The following ABI1 variants were observed in gnomAD, a reference collection of about 807,000 sequenced individuals.
The protein encoded by ABI1 is abl interactor 1.
Under a neutral mutation model 54.6 loss-of-function variants are expected in ABI1, and 14 were observed. The ratio of observed to expected loss-of-function variants is 0.26; its 90% CI spans 0.17 to 0.40. ABI1 has a LOEUF of 0.40. Among genes scored for constraint, ABI1 ranks in the 10% least tolerant of loss-of-function variants. ABI1 has a pLI of 1.00. For missense variants in ABI1, 443 were observed against 598.3 expected, an observed-to-expected ratio of 0.74 and a Z score of 2.71; for synonymous variants, 194 against 209.3, an observed-to-expected ratio of 0.93 and a Z score of 0.63.
At chr10:26,858,454 C>CTTTTTTT (rs375525589) in intron 1 of ABI1, among the ~76,000 whole-genome samples, 55 of 118,172 alleles carry the variant, frequency 4.7e-4, no homozygotes, top group African/African-American at 1.5e-3. Context: ...TGCGTGAATT[C>CTTTTTTT]TTTTTTTTTT....
intron 1 of ABI1, among the ~76,000 whole-genome samples, chr10:26,845,771 A>G (rs1221870061): frequency 6.6e-6 from 1 of 151,868 alleles, no homozygotes; most frequent in African/African-American, 2.4e-5. Flanking sequence ...ACAAATCCCA[A>G]TAGCCTCAAA....
intron 6 of ABI1, 52 bp downstream of exon 6, chr10:26,768,800 A>C: frequency 6.5e-7 from 1 of 1,534,852 alleles, no homozygotes; most frequent in Non-Finnish European, 8.8e-7. Flanking sequence ...GTTTGTCGCC[A>C]GTCAGTTACA....
At position 26,860,249 on chromosome 10, in the gene ABI1, A is replaced by C. The variant is rs2051191047; in HGVS notation, c.117+498T>G. 6.6e-6 allele frequency among the ~76,000 whole-genome samples: 1 copy of C among 151,820 alleles called. No homozygotes were observed. The highest frequency in any genetic ancestry group is 1.5e-5 in the Non-Finnish European group (1 of 67,958). ...CCCACCCCACCCTCCGCCGACACACAACACACACCCCGCTGGTCCTCTCCC... is the reference window on the plus strand; with the variant it reads ...CCCACCCCACCCTCCGCCGACACACCACACACACCCCGCTGGTCCTCTCCC... On this transcript the variant is annotated intron_variant, in intron 1 of 10. Transcript: ENST00000376140. This position sits in a 1 kb window ranked among gnomAD's most constrained non-coding sequence, Gnocchi z 4.1.
intron 3 of ABI1, among the ~76,000 whole-genome samples, chr10:26,776,100 A>C (rs1841376849): frequency 6.6e-6 from 1 of 152,150 alleles, no homozygotes; most frequent in South Asian, 2.1e-4. Flanking sequence ...ACAAGCAGTC[A>C]CCTCTGCATT....
Position 26,748,524 on chromosome 10 carries a change from C to T in ABI1, c.*46G>A. On this transcript the variant is annotated 3_prime_UTR_variant, in exon 11 of 11. Coordinates refer to ENST00000376140, the MANE Select transcript of ABI1 (RefSeq NM_001012750.3). ...AGTTCTGTTAACCATAATAGTCCCACAGTATGACTGAGTAATAAGAATCTA... is the reference window on the plus strand; with the variant it reads ...AGTTCTGTTAACCATAATAGTCCCATAGTATGACTGAGTAATAAGAATCTA... The T allele has an allele frequency of 7.0e-7, 1 of 1,427,730 alleles. No individual in the cohort carries two copies. The highest frequency in any genetic ancestry group is 2.3e-5 in the East Asian group (1 of 43,410). The allele number at this position is 1,427,730 out of a possible 1,614,324, so 88.4% of individuals were successfully genotyped here.
chr10:26,803,822 AC>A (rs2046710278), intron 2 of ABI1, among the ~76,000 whole-genome samples: 1 of 152,188 alleles, frequency 6.6e-6, no homozygotes, highest in Non-Finnish European at 1.5e-5. Flanking sequence ...TATTGAAGAT[AC>A]TAGGGATACA....
intron 2 of ABI1, 88 bp downstream of exon 2, chr10:26,823,050 A>T: frequency 8.2e-7 from 1 of 1,216,654 alleles, no homozygotes; most frequent in Non-Finnish European, 1.1e-6. Context: ...AAGATGAGTC[A>T]GAAATCCATA....
chr10:26,778,299 C>T (rs1176793975), intron 2 of ABI1, among the ~76,000 whole-genome samples: 1 of 152,026 alleles, frequency 6.6e-6, no homozygotes, highest in East Asian at 1.9e-4. Flanking sequence ...AACTGCTCAA[C>T]AACTTAAAAT....
At chr10:26,765,344 A>G (rs998329173) in intron 6 of ABI1, 26 bp from the exon 7 acceptor site, 6 of 1,515,568 alleles carry the variant, frequency 4.0e-6, no homozygotes, top group Non-Finnish European at 4.5e-6. Context: ...AAAACTGTGA[A>G]AAACCAATTC....
At chr10:26,765,400 A>ATT in intron 6 of ABI1, 82 bp from the exon 7 acceptor site, 1 of 954,598 alleles carries the variant, frequency 1.0e-6, no homozygotes, top group Non-Finnish European at 1.6e-6. Flanking sequence ...AGGCCACTAA[A>ATT]TACTCCTTTT....
chr10:26,803,442 T>C (rs1004827943), intron 2 of ABI1, among the ~76,000 whole-genome samples: 4 of 152,200 alleles, frequency 2.6e-5, no homozygotes, highest in African/African-American at 9.7e-5. Context: ...GTTAAATAGC[T>C]CTTGCCTGGT....
At chr10:26,766,814 T>TA (rs938897561) in intron 6 of ABI1, among the ~76,000 whole-genome samples, 3 of 152,190 alleles carry the variant, frequency 2.0e-5, no homozygotes, top group Non-Finnish European at 2.9e-5. Context: ...TTTTAATAGT[T>TA]AAAAAAATCA....
At chr10:26,851,647 T>C (rs964998859) in intron 1 of ABI1, among the ~76,000 whole-genome samples, 1 of 151,788 alleles carries the variant, frequency 6.6e-6, no homozygotes, top group African/African-American at 2.4e-5. Context: ...TATAAACTTA[T>C]CAGGAGCATA....
Position 26,746,624 on chromosome 10 carries a change from C to A in ABI1, c.*1946G>T. 1 of 814,698 alleles carries A rather than the reference C, an allele frequency of 1.2e-6. No individual in the cohort carries two copies. Among genetic ancestry groups the A allele is most frequent in the South Asian group, 1.6e-5 (1 of 62,212 alleles). 50.5% of individuals were successfully genotyped at this position (814,698 alleles called of 1,614,324 possible). ...ATGGGCAATTTATTTTTTTTTATTG[C>A]AAAAGTTTTTTCAGAAAACTTTTTA... On this transcript the variant is annotated 3_prime_UTR_variant, in exon 11 of 11. Coordinates refer to ENST00000376140, the MANE Select transcript of ABI1 (RefSeq NM_001012750.3).
At chr10:26,749,837 T>C (rs1442919304) in intron 10 of ABI1, among the ~76,000 whole-genome samples, 1 of 152,240 alleles carries the variant, frequency 6.6e-6, no homozygotes. Flanking sequence ...GCTTTTACGC[T>C]ACAATAGCAG....
intron 2 of ABI1, among the ~76,000 whole-genome samples, chr10:26,814,163 G>A (rs1244512399): frequency 6.6e-6 from 1 of 152,164 alleles, no homozygotes; most frequent in African/African-American, 2.4e-5. Flanking sequence ...ACTGGATGGG[G>A]CAATTCATCC....
chr10:26,779,861 C>T (rs1487243106), intron 2 of ABI1, among the ~76,000 whole-genome samples: 1 of 152,142 alleles, frequency 6.6e-6, no homozygotes, highest in Non-Finnish European at 1.5e-5. Context: ...GGACACCAAC[C>T]AGTCTACAGA....
chr10:26,850,711 G>GGGT (rs2050319166), intron 1 of ABI1, among the ~76,000 whole-genome samples: 1 of 151,962 alleles, frequency 6.6e-6, no homozygotes, highest in Non-Finnish European at 1.5e-5. Flanking sequence ...TTCAGTGAGT[G>GGGT]GGTGGTTGGT....
At chr10:26,850,353 T>A (rs1379887882) in intron 1 of ABI1, among the ~76,000 whole-genome samples, 2 of 152,182 alleles carry the variant, frequency 1.3e-5, no homozygotes, top group Non-Finnish European at 2.9e-5. Flanking sequence ...TGCTAACAGA[T>A]AGAACCCGCC....
Sources: allele counts gnomAD v4.1 joint callset (sites outside exome capture counted in the v4.1 genomes callset), GRCh38; gene constraint gnomAD v4.1.1; non-coding constraint Gnocchi (gnomAD v3.1); transcripts MANE v1.5; gene names NCBI Gene and HGNC (gene_info 2026-07-23, HGNC 2026-07-21).